The following TECTA variants were observed in gnomAD, a reference collection of about 807,000 sequenced individuals.
The protein encoded by TECTA is alpha-tectorin.
In TECTA, 128 loss-of-function variants were observed where a neutral mutation model predicts 216.8. That is an observed-to-expected ratio of 0.59 (90% CI 0.51 to 0.68). The LOEUF is 0.68. Ranked by LOEUF, TECTA falls within the 30% of genes least tolerant of loss-of-function variation. The probability of loss-of-function intolerance (pLI) is 0.00; values close to 1 mark genes in which losing one functional copy is unlikely to be tolerated. For synonymous variants in TECTA, 1,089 were observed against 1,117.1 expected (o/e 0.97, Z 0.50); for missense variants, 2,551 against 2,786.2 (o/e 0.92, Z 1.90).
At chr11:121,109,177 G>A in intron 3 of TECTA, 34 bp from the exon 4 acceptor site, 1 of 1,612,904 alleles carries the variant, frequency 6.2e-7, no homozygotes, top group Non-Finnish European at 8.5e-7. Flanking sequence ...TATGGTTTCA[G>A]ATCCACTGTG....
intron 20 of TECTA, among the ~76,000 whole-genome samples, chr11:121,182,294 C>T (rs1334566301): frequency 2.0e-5 from 3 of 151,944 alleles, no homozygotes; most frequent in Non-Finnish European, 4.4e-5. Flanking sequence ...AGTGGGCCAA[C>T]TCTCAGGCCC....
chr11:121,187,874 T>C lies in TECTA; in HGVS notation c.6042T>C (p.Asn2014=), dbSNP rs1947302893. 2 of 1,614,252 alleles carry C rather than the reference T, an allele frequency of 1.2e-6. No homozygotes were observed. Among genetic ancestry groups the C allele is most frequent in the African/African-American group, 1.3e-5 (1 of 75,064 alleles). Residue 2014 remains asparagine (N), a synonymous_variant, in exon 21 of 24, where the codon AAT becomes AAC. Coordinates refer to ENST00000392793, the MANE Select transcript of TECTA (RefSeq NM_005422.4). ...ATAACACCATTGGCATCGAGGAGAA[T>C]GCAGTCTCCCTGACCTGTCGCTTTC... ...LKDNTIGIEE[N]AVSLTCRFHV... is the part of the protein sequence containing the mutation.
At position 121,146,110 on chromosome 11, in the gene TECTA, T is replaced by A. The variant is rs1440850737; in HGVS notation, c.4099T>A (p.Ser1367Thr). ...GGTGACTGGCTGGAGGAATTACACG[T>A]CCTGCAGTGAGTCCTTCTCGTTGTC... ...ITVTGWRNYTSCTVTCPPNSH... is the reference protein window; with the variant it reads ...ITVTGWRNYTTCTVTCPPNSH... Residue 1367 changes from serine (S) to threonine (T), a missense_variant, in exon 12 of 24, where the codon TCC (serine) becomes ACC (threonine). By Grantham distance (58) the Ser-to-Thr change is moderately conservative. Coordinates refer to ENST00000392793, the MANE Select transcript of TECTA (RefSeq NM_005422.4). The A allele has an allele frequency of 1.2e-6, 2 of 1,607,380 alleles. No homozygotes were observed. Among genetic ancestry groups the A allele is most frequent in the East Asian group, 4.5e-5 (2 of 44,902 alleles).
intron 14 of TECTA, among the ~76,000 whole-genome samples, chr11:121,158,927 T>TC (rs1946971609): frequency 6.6e-6 from 1 of 152,106 alleles, no homozygotes; most frequent in African/African-American, 2.4e-5. Flanking sequence ...GAGCATCTGC[T>TC]CAGATGCACT....
chr11:121,152,215 A>T (rs942911982), intron 12 of TECTA, among the ~76,000 whole-genome samples: 2 of 152,270 alleles, frequency 1.3e-5, no homozygotes, highest in Admixed American at 6.5e-5. Context: ...TTGCACAGAC[A>T]TGTGCACGTG....
intron 22 of TECTA, 83 bp downstream of exon 22, chr11:121,189,250 G>C: frequency 7.1e-7 from 1 of 1,408,782 alleles, no homozygotes; most frequent in Non-Finnish European, 1.0e-6. Context: ...TCTGATGTGG[G>C]TCCAGTGGAC....
Position 121,127,870 on chromosome 11 carries a change from C to T in TECTA, c.1893C>T (p.Cys631=). ...GCGCCACGCCGTGCACAGAGGGCTG[C>T]GAGTGCAACCAGGGCTTCGTCCTCA... The part of the protein sequence containing the change: ...RNCATPCTEG[C]ECNQGFVLST... Residue 631 remains cysteine (C), a synonymous_variant, in exon 9 of 24, where the codon TGC becomes TGT. Transcript: ENST00000392793. The surrounding 1 kb of genome is among the most constrained non-coding windows in gnomAD (Gnocchi z 5.0). The T allele has an allele frequency of 1.2e-6, 2 of 1,614,034 alleles. No homozygotes were observed. The highest frequency in any genetic ancestry group is 1.7e-6 in the Non-Finnish European group (2 of 1,180,024).
intron 7 of TECTA, among the ~76,000 whole-genome samples, chr11:121,121,361 G>A (rs1454566663): frequency 6.6e-6 from 1 of 152,202 alleles, no homozygotes; most frequent in African/African-American, 2.4e-5. Flanking sequence ...AGGTACTGTG[G>A]AAGAGTGAAA....
Position 121,113,284 on chromosome 11 carries a change from A to G in TECTA, c.624+75A>G. Reference sequence around the variant, plus strand: ...CTGCTTCTGTGGCTCAGCATCCTGGAGGGAATCCTGCCACCAGCTTTTAAC... The same window carrying G: ...CTGCTTCTGTGGCTCAGCATCCTGGGGGGAATCCTGCCACCAGCTTTTAAC... On this transcript the variant is annotated intron_variant, in intron 5 of 23. Transcript: ENST00000392793. This position sits in a 1 kb window ranked among gnomAD's most constrained non-coding sequence, Gnocchi z 4.2. 1 of 1,608,744 alleles carries G rather than the reference A, an allele frequency of 6.2e-7. No homozygotes were observed. The highest frequency in any genetic ancestry group is 2.2e-5 in the East Asian group (1 of 44,860).
intron 4 of TECTA, 57 bp downstream of exon 4, chr11:121,109,555 A>C (rs935450445): frequency 6.3e-7 from 1 of 1,599,270 alleles, no homozygotes; most frequent in Non-Finnish European, 8.6e-7. Context: ...ATTCTTGTCC[A>C]TCTTCGCTAC....
Position 121,178,035 on chromosome 11 carries a change from C to A in TECTA, c.5999+9110C>A, listed in dbSNP as rs185376961. On this transcript the variant is annotated intron_variant, in intron 20 of 23. Coordinates refer to ENST00000392793, the MANE Select transcript of TECTA (RefSeq NM_005422.4). Reference sequence around the variant, plus strand: ...CTGTTTTTTAAGCCCGTCGGAAAAGCGCAGTATTGGGGTGGGAGTGACCTG... The same window carrying A: ...CTGTTTTTTAAGCCCGTCGGAAAAGAGCAGTATTGGGGTGGGAGTGACCTG... Among the ~76,000 whole-genome samples, 878 of 152,350 alleles carry A rather than the reference C, an allele frequency of 5.8e-3. 6 individuals are homozygous for A. Among genetic ancestry groups the A allele is most frequent in the Middle Eastern group, 0.044 (13 of 294 alleles).
chr11:121,120,225 C>T (rs762028942), intron 7 of TECTA, among the ~76,000 whole-genome samples: 2 of 152,134 alleles, frequency 1.3e-5, no homozygotes, highest in African/African-American at 4.8e-5. Flanking sequence ...GCTAATTTTG[C>T]GTGACTCTGT....
intron 9 of TECTA, 48 bp from the exon 10 acceptor site, chr11:121,129,590 A>G (rs769019909): frequency 1.3e-6 from 2 of 1,590,326 alleles, no homozygotes; most frequent in South Asian, 2.2e-5. Context: ...GGAAATGGAA[A>G]GTGCTCTGTG....
intron 7 of TECTA, among the ~76,000 whole-genome samples, chr11:121,119,722 T>G (rs1182000122): frequency 6.6e-6 from 1 of 152,216 alleles, no homozygotes; most frequent in Admixed American, 6.5e-5. Flanking sequence ...AAATGTGTTG[T>G]AGTTTTAATT....
In TECTA at chr11:121,165,374, T is replaced by A. The variant is rs1455123111; in HGVS notation, c.5374T>A (p.Tyr1792Asn). Reference protein sequence around the residue: ...ELCGCIEPPPYGNNSHDIIDA... With the variant: ...ELCGCIEPPPNGNNSHDIIDA... ...GTGTGGCTGCATCGAGCCACCCCCC[T>A]ATGGAAATAGTGAGTGACATGGGCC... The change falls in exon 17 of 24, where the codon TAT (tyrosine) becomes AAT (asparagine). Residue 1792 changes from tyrosine to asparagine, a missense_variant. Tyr to Asn is a moderately radical substitution (Grantham distance 143). Coordinates refer to ENST00000392793, the MANE Select transcript of TECTA (RefSeq NM_005422.4). The A allele has an allele frequency of 1.3e-6, 2 of 1,587,688 alleles. No individual in the cohort carries two copies. The highest frequency in any genetic ancestry group is 1.7e-6 in the Non-Finnish European group (2 of 1,166,416).
chr11:121,166,538 G>A (rs749134140), intron 17 of TECTA, 40 bp from the exon 18 acceptor site: 9 of 1,608,182 alleles, frequency 5.6e-6, no homozygotes, highest in African/African-American at 2.7e-5. Context: ...CAGCAAGACC[G>A]ACTCCACTGA....
chr11:121,159,557 A>G (rs952897326), intron 14 of TECTA, among the ~76,000 whole-genome samples: 8 of 152,256 alleles, frequency 5.3e-5, no homozygotes, highest in Non-Finnish European at 1.2e-4. Flanking sequence ...AATGTTAGAA[A>G]GCAGAAAAAT....
intron 20 of TECTA, 43 bp from the exon 21 acceptor site, chr11:121,187,789 G>C: frequency 6.2e-7 from 1 of 1,612,208 alleles, no homozygotes; most frequent in Non-Finnish European, 8.5e-7. Flanking sequence ...AGGTGTAAGA[G>C]GAAAACATGT....
In TECTA at chr11:121,125,724, C is replaced by T. The variant is rs1415716568; in HGVS notation, c.1626C>T (p.Asp542=). The change falls in exon 8 of 24, where the codon GAC becomes GAT. Residue 542 remains aspartate, a synonymous_variant. Transcript: ENST00000392793. ...TGTGGGAGTGTGGCACTGTCGTGGA[C>T]CCCACTGCTTTTGTGCACAGCTGCG... ...GPLWECGTVV[D]PTAFVHSCVY... The T allele has an allele frequency of 2.5e-6, 4 of 1,613,424 alleles. No individual in the cohort carries two copies. Among genetic ancestry groups the T allele is most frequent in the Non-Finnish European group, 3.4e-6 (4 of 1,179,410 alleles).
Sources: allele counts gnomAD v4.1 joint callset (sites outside exome capture counted in the v4.1 genomes callset), GRCh38; gene constraint gnomAD v4.1.1; non-coding constraint Gnocchi (gnomAD v3.1); transcripts MANE v1.5; gene names NCBI Gene and HGNC (gene_info 2026-07-23, HGNC 2026-07-21).